The following KIAA1958 variants were observed in gnomAD, a reference collection of about 807,000 sequenced individuals.
KIAA1958 encodes the protein KIAA1958, also known as uncharacterized protein KIAA1958.
Under a neutral mutation model 47.2 loss-of-function variants are expected in KIAA1958, and 14 were observed. That is an observed-to-expected ratio of 0.30 (90% CI 0.20 to 0.46). KIAA1958 has a LOEUF of 0.46. KIAA1958 is among the 20% of genes least tolerant of loss of function. The probability of loss-of-function intolerance (pLI) is 1.00; values close to 1 mark genes in which losing one functional copy is unlikely to be tolerated. For missense variants in KIAA1958, 803 were observed against 909.2 expected, an observed-to-expected ratio of 0.88 and a Z score of 1.50; for synonymous variants, 354 against 353.3, an observed-to-expected ratio of 1.00 and a Z score of -0.02.
intron 2 of KIAA1958, among the ~76,000 whole-genome samples, chr9:112,640,990 T>TA (rs758156343): frequency 1.1e-3 from 160 of 151,514 alleles, no homozygotes; most frequent in Non-Finnish European, 1.9e-3. Flanking sequence ...CACAATCCTT[T>TA]AAAAAAAAAC....
intron 2 of KIAA1958, among the ~76,000 whole-genome samples, chr9:112,589,506 C>T (rs926057679): frequency 3.9e-5 from 6 of 152,168 alleles, no homozygotes; most frequent in African/African-American, 1.4e-4. Context: ...GCAGGAGAAT[C>T]ACTTGAACCC....
At chr9:112,583,894 G>A (rs1428782683) in intron 2 of KIAA1958, among the ~76,000 whole-genome samples, 3 of 152,068 alleles carry the variant, frequency 2.0e-5, no homozygotes, top group South Asian at 2.1e-4. Context: ...TTTAAAATAC[G>A]TATGTAATAT....
chr9:112,653,530 A>G (rs1837095465), intron 3 of KIAA1958, among the ~76,000 whole-genome samples: 2 of 152,132 alleles, frequency 1.3e-5, no homozygotes, highest in South Asian at 4.1e-4. Flanking sequence ...TTAGATGGGA[A>G]ACAACTTTTC....
At chr9:112,556,309 T>A (rs1564171074) in intron 1 of KIAA1958, among the ~76,000 whole-genome samples, 1 of 152,204 alleles carries the variant, frequency 6.6e-6, no homozygotes, top group African/African-American at 2.4e-5. Flanking sequence ...GGGCAAAGTC[T>A]GCTGCCTGCA....
intron 3 of KIAA1958, among the ~76,000 whole-genome samples, chr9:112,647,815 C>T (rs1343921860): frequency 6.6e-6 from 1 of 152,200 alleles, no homozygotes. Context: ...GAGGCAATTT[C>T]TGAACTGCAA....
chr9:112,540,888 T>A (rs545657299), intron 1 of KIAA1958, among the ~76,000 whole-genome samples: 18 of 152,112 alleles, frequency 1.2e-4, no homozygotes, highest in African/African-American at 2.7e-4. Flanking sequence ...AATTTTTTTT[T>A]ATTTTTTATT....
At chr9:112,551,686 G>GTT (rs988571593) in intron 1 of KIAA1958, among the ~76,000 whole-genome samples, 15 of 152,242 alleles carry the variant, frequency 9.9e-5, no homozygotes, top group South Asian at 2.1e-4. Flanking sequence ...AGAGAGGGAT[G>GTT]TTTTTGCAGA....
At chr9:112,598,935 C>T (rs956210725) in intron 2 of KIAA1958, among the ~76,000 whole-genome samples, 6 of 151,948 alleles carry the variant, frequency 3.9e-5, no homozygotes, top group Admixed American at 1.3e-4. Context: ...TTCAAAAATT[C>T]GCTGGGTGCA....
intron 1 of KIAA1958, among the ~76,000 whole-genome samples, chr9:112,569,805 G>A (rs977001230): frequency 6.6e-6 from 1 of 151,842 alleles, no homozygotes; most frequent in Non-Finnish European, 1.5e-5. Context: ...TGTATTTTTA[G>A]TAGAAACAGG....
intron 1 of KIAA1958, among the ~76,000 whole-genome samples, chr9:112,515,766 C>T (rs915165828): frequency 6.8e-5 from 7 of 102,648 alleles, no homozygotes; most frequent in African/African-American, 1.9e-4. Flanking sequence ...GCAGGGTCCT[C>T]TGCCTAGGAA....
chr9:112,555,854 C>G (rs937440244), intron 1 of KIAA1958, among the ~76,000 whole-genome samples: 1 of 152,188 alleles, frequency 6.6e-6, no homozygotes, highest in African/African-American at 2.4e-5. Flanking sequence ...GCGGGCAGAT[C>G]ACTTGAGGTC....
At chr9:112,554,877 C>T (rs1221084851) in intron 1 of KIAA1958, among the ~76,000 whole-genome samples, 3 of 152,146 alleles carry the variant, frequency 2.0e-5, no homozygotes, top group African/African-American at 7.2e-5. Context: ...GCATTGGCTC[C>T]TAGTCAGCTG....
intron 1 of KIAA1958, among the ~76,000 whole-genome samples, chr9:112,525,547 A>G (rs1834624110): frequency 6.6e-6 from 1 of 152,122 alleles, no homozygotes; most frequent in Non-Finnish European, 1.5e-5. Context: ...TGCTTGAATA[A>G]TTTTGCTATT....
intron 2 of KIAA1958, among the ~76,000 whole-genome samples, chr9:112,583,758 C>T (rs1835774771): frequency 6.6e-6 from 1 of 152,076 alleles, no homozygotes; most frequent in African/African-American, 2.4e-5. Context: ...GTGTGTGTTA[C>T]ACAGACACAC....
rs965147430 is a variant in KIAA1958 at position 112,665,245 on chromosome 9, C to G, written c.*5176C>G. Reference sequence around the variant, plus strand: ...ACTGATTTGATTAACTTTCATTTAACTGTGGTTATTGTTACATCTACTGAT... The same window carrying G: ...ACTGATTTGATTAACTTTCATTTAAGTGTGGTTATTGTTACATCTACTGAT... On this transcript the variant is annotated 3_prime_UTR_variant, in exon 4 of 4. Transcript: ENST00000337530. 6.6e-6 allele frequency: 1 copy of G among 152,046 alleles called. No homozygotes were observed. The highest frequency in any genetic ancestry group is 1.5e-5 in the Non-Finnish European group (1 of 68,024). 9.4% of individuals were successfully genotyped at this position (152,046 alleles called of 1,614,324 possible). A position where few individuals can be genotyped will look rare whatever the true frequency, so the allele number is the denominator to read the frequency against.
intron 2 of KIAA1958, among the ~76,000 whole-genome samples, chr9:112,592,473 T>C (rs1333880214): frequency 6.6e-6 from 1 of 152,224 alleles, no homozygotes; most frequent in Non-Finnish European, 1.5e-5. Context: ...AGCTTTCTGG[T>C]CCTCAGTTTC....
At chr9:112,616,094 A>G (rs572612912) in intron 2 of KIAA1958, among the ~76,000 whole-genome samples, 14 of 152,250 alleles carry the variant, frequency 9.2e-5, no homozygotes, top group African/African-American at 3.4e-4. Context: ...GGAAGCCAGC[A>G]TGTCAAATGG....
At chr9:112,588,113 A>G (rs1037847451) in intron 2 of KIAA1958, among the ~76,000 whole-genome samples, 1 of 152,136 alleles carries the variant, frequency 6.6e-6, no homozygotes, top group Non-Finnish European at 1.5e-5. Flanking sequence ...GCTTCTCACA[A>G]TCTTCTTATT....
chr9:112,631,534 G>GAAAAAAAAAAAAAAAAAAAAAAAAA (rs57805823), intron 2 of KIAA1958, among the ~76,000 whole-genome samples: 2 of 98,306 alleles, frequency 2.0e-5, no homozygotes, highest in Admixed American at 1.2e-4. Context: ...CTCTCTCAAA[G>GAAAAAAAAAAAAAAAAAAAAAAAAA]AAAAAAAAAA....
Sources: allele counts gnomAD v4.1 joint callset (sites outside exome capture counted in the v4.1 genomes callset), GRCh38; gene constraint gnomAD v4.1.1; transcripts MANE v1.5; gene names NCBI Gene and HGNC (gene_info 2026-07-23, HGNC 2026-07-21).